ITGB8: variants seen among roughly 807,000 people sequenced by gnomAD.
ITGB8 encodes the protein integrin beta-8.
Under a neutral mutation model 89.5 loss-of-function variants are expected in ITGB8, and 30 were observed. The ratio of observed to expected loss-of-function variants is 0.34; its 90% CI spans 0.25 to 0.45. The LOEUF is 0.45. Ranked by LOEUF, ITGB8 falls within the 20% of genes least tolerant of loss-of-function variation. ITGB8 has a pLI of 1.00. For synonymous variants in ITGB8, 335 were observed against 320.4 expected, an observed-to-expected ratio of 1.05 and a Z score of -0.49; for missense variants, 836 against 933.3, an observed-to-expected ratio of 0.90 and a Z score of 1.36.
chr7:20,407,568 CAG>C (rs1787597255), intron 12 of ITGB8, among the ~76,000 whole-genome samples: 1 of 152,092 alleles, frequency 6.6e-6, no homozygotes, highest in South Asian at 2.1e-4. Flanking sequence ...AAACTTTCTC[CAG>C]AGTTTTGTTT....
rs533084179 is a variant in ITGB8, at chr7:20,402,106, A to G, written c.1667A>G (p.His556Arg). ...CEKDDFSCPYHHGNLCAGHGE... is the reference protein window; with the variant it reads ...CEKDDFSCPYRHGNLCAGHGE... ...AAGGATGACTTTTCTTGTCCATATC[A>G]CCATGGAAATCTGTGTGCTGGTGAG... The change falls in exon 10 of 14, where the codon CAC becomes CGC. Residue 556 changes from histidine (H) to arginine (R), a missense_variant. By Grantham distance (29) the His-to-Arg change is conservative (BLOSUM62 0). Coordinates refer to ENST00000222573, the MANE Select transcript of ITGB8 (RefSeq NM_002214.3). 33 of 1,612,426 alleles carry G rather than the reference A, an allele frequency of 2.0e-5. No homozygotes were observed. In the South Asian group the frequency reaches 2.4e-4, roughly 12 times the overall value.
At chr7:20,344,480 T>C (rs1460018567) in intron 1 of ITGB8, among the ~76,000 whole-genome samples, 1 of 152,236 alleles carries the variant, frequency 6.6e-6, no homozygotes, top group Non-Finnish European at 1.5e-5. Context: ...AGTTGCATTG[T>C]TCTTAGCTAT....
At chr7:20,399,123 G>A (rs1002334567) in intron 9 of ITGB8, 129 bp downstream of exon 9, 55 of 887,326 alleles carry the variant, frequency 6.2e-5, no homozygotes, top group Non-Finnish European at 6.2e-5. Flanking sequence ...TATACTTCAA[G>A]GAAACTTTCA....
intron 6 of ITGB8, among the ~76,000 whole-genome samples, chr7:20,388,921 G>C (rs1334318836): frequency 6.6e-6 from 1 of 152,104 alleles, no homozygotes; most frequent in Non-Finnish European, 1.5e-5. Context: ...AGTTTGCTGA[G>C]AATGATGGTT....
In ITGB8 at chr7:20,370,069, A is replaced by T. The variant is rs531859821; in HGVS notation, c.388+2883A>T. Among the ~76,000 whole-genome samples the T allele has an allele frequency of 1.3e-3, 193 of 152,070 alleles. 3 individuals are homozygous for T. In the South Asian group the frequency reaches 0.021, roughly 17 times the overall value. ...AAAACATAAGAAAAACAGAGAAAAG[A>T]GTTCCTAAATTTAAAAACAAAGCAA... On this transcript the variant is annotated intron_variant, in intron 3 of 13. Transcript: ENST00000222573.
At chr7:20,380,439 T>A in intron 4 of ITGB8, 1 of 458,044 alleles carries the variant, frequency 2.2e-6, no homozygotes, top group Non-Finnish European at 3.9e-6. Flanking sequence ...ATCATCTTTA[T>A]TTTTTTGAAT....
chr7:20,405,718 A>C (rs1291945452), intron 11 of ITGB8, among the ~76,000 whole-genome samples: 2 of 152,216 alleles, frequency 1.3e-5, no homozygotes, highest in Admixed American at 6.5e-5. Flanking sequence ...TGAAGGTGAC[A>C]TTACTGTTTT....
At chr7:20,348,412 T>A (rs1784999177) in intron 1 of ITGB8, among the ~76,000 whole-genome samples, 1 of 152,328 alleles carries the variant, frequency 6.6e-6, no homozygotes, top group African/African-American at 2.4e-5. Context: ...AACTCCATGT[T>A]TTAGAGTTCT....
intron 1 of ITGB8, among the ~76,000 whole-genome samples, chr7:20,348,043 G>C (rs1340665100): frequency 6.6e-6 from 1 of 152,180 alleles, no homozygotes; most frequent in Non-Finnish European, 1.5e-5. Context: ...ATAATGAGGA[G>C]AGGCATTTTT....
intron 6 of ITGB8, among the ~76,000 whole-genome samples, chr7:20,390,131 G>GT (rs1440020791): frequency 1.3e-5 from 2 of 152,112 alleles, no homozygotes; most frequent in Admixed American, 1.3e-4. Flanking sequence ...TACCAAGTTG[G>GT]TTTAACAGGA....
At position 20,399,044 on chromosome 7, in the gene ITGB8, G is replaced by A. The variant is rs767123977; in HGVS notation, c.1281+50G>A. 66 of 1,566,002 alleles carry A rather than the reference G, an allele frequency of 4.2e-5. No homozygotes were observed. The Admixed American group carries it at 8.5e-4, about 20-fold the overall frequency. On this transcript the variant is annotated intron_variant, in intron 9 of 13. Coordinates refer to ENST00000222573, the MANE Select transcript of ITGB8 (RefSeq NM_002214.3). Reference sequence around the variant, plus strand: ...TTTAAAATAAACTAAGTTGTTTGGCGTACTTTCTTACAGAAAAAGCAAACC... The same window carrying A: ...TTTAAAATAAACTAAGTTGTTTGGCATACTTTCTTACAGAAAAAGCAAACC...
At chr7:20,395,006 A>G (rs1413783499) in intron 8 of ITGB8, 21 bp downstream of exon 8, 6 of 1,433,704 alleles carry the variant, frequency 4.2e-6, no homozygotes, top group South Asian at 1.2e-5. Flanking sequence ...ATTAGATACA[A>G]TTTTTTAAAT....
At chr7:20,354,028 G>A (rs1785207274) in intron 1 of ITGB8, among the ~76,000 whole-genome samples, 1 of 148,028 alleles carries the variant, frequency 6.8e-6, no homozygotes, top group Non-Finnish European at 1.5e-5. Context: ...TGTAAACATA[G>A]TTACATTGCC....
At chr7:20,390,811 G>C in intron 6 of ITGB8, among the ~76,000 whole-genome samples, 1 of 152,062 alleles carries the variant, frequency 6.6e-6, no homozygotes, top group East Asian at 1.9e-4. Flanking sequence ...ATGGAATTGA[G>C]AACTTTTGTT....
intron 1 of ITGB8, among the ~76,000 whole-genome samples, chr7:20,335,994 GGTTTT>G (rs1784559054): frequency 2.4e-5 from 3 of 127,300 alleles, no homozygotes; most frequent in African/African-American, 8.7e-5. Context: ...ATCCAGTCTT[GGTTTT>G]CTTTTTTTTT....
At chr7:20,337,954 G>A (rs1286856025) in intron 1 of ITGB8, among the ~76,000 whole-genome samples, 5 of 152,210 alleles carry the variant, frequency 3.3e-5, no homozygotes, top group Admixed American at 2.0e-4. Context: ...GATGGCCAAG[G>A]ACACTGATGC....
chr7:20,412,996 C>T lies in ITGB8; in HGVS notation c.*2999C>T, dbSNP rs1787816429. 6.6e-6 allele frequency: 1 copy of T among 152,040 alleles called. No individual in the cohort carries two copies. The highest frequency in any genetic ancestry group is 2.1e-4 in the South Asian group (1 of 4,804). 9.4% of individuals were successfully genotyped at this position (152,040 alleles called of 1,614,324 possible). On this transcript the variant is annotated 3_prime_UTR_variant, in exon 14 of 14. Transcript: ENST00000222573. ...TTTTAGTACTGCAGCATTTTTGTGC[C>T]CTAAAGTATGTAATGATTTATAAAT...
intron 3 of ITGB8, among the ~76,000 whole-genome samples, chr7:20,376,484 T>G (rs1786150870): frequency 6.6e-6 from 1 of 152,144 alleles, no homozygotes; most frequent in Non-Finnish European, 1.5e-5. Flanking sequence ...TCCACAGTGC[T>G]GCAAAAAGGT....
chr7:20,344,978 A>G (rs888623517), intron 1 of ITGB8, among the ~76,000 whole-genome samples: 1 of 152,226 alleles, frequency 6.6e-6, no homozygotes, highest in African/African-American at 2.4e-5. Context: ...ACATTTGACA[A>G]ATTAAAGAAA....
Sources: gnomAD v4.1 joint callset for allele counts (sites outside exome capture counted in the v4.1 genomes callset) on GRCh38, gnomAD v4.1.1 for gene constraint, MANE v1.5 for transcripts, NCBI Gene and HGNC (gene_info 2026-07-23, HGNC 2026-07-21) for gene names.